The following ICA1 variants were observed in gnomAD, a reference collection of about 807,000 sequenced individuals.
ICA1 encodes the protein 69 kDa islet cell autoantigen.
Under a neutral mutation model 71.0 loss-of-function variants are expected in ICA1, and 40 were observed. That is an observed-to-expected ratio of 0.56 (90% CI 0.44 to 0.73). ICA1 has a LOEUF of 0.73. Ranked by LOEUF, ICA1 falls within the 30% of genes least tolerant of loss-of-function variation. The pLI, the probability that ICA1 is intolerant of heterozygous loss-of-function variation, is 0.00. For synonymous variants in ICA1, 207 were observed against 209.5 expected, an observed-to-expected ratio of 0.99 and a Z score of 0.10; for missense variants, 578 against 576.5, an observed-to-expected ratio of 1.00 and a Z score of -0.03.
rs60704635 is a variant in ICA1 at position 8,206,733 on chromosome 7, GAAAAA to G, written c.579+11567_579+11571del. ...GATCTTTCTCCCACAGGTTTAAAAT[GAAAAA>G]AAAAAAAAAAAAAAAAAGAAAGAGA... On this transcript the variant is annotated intron_variant, in intron 6 of 13. Coordinates refer to ENST00000402384, the MANE Select transcript of ICA1 (RefSeq NM_001136020.3). 7.2e-4 allele frequency among the ~76,000 whole-genome samples: 97 copies of G among 135,630 alleles called. 2 individuals carry two copies. The South Asian group carries it at 0.016, about 22-fold the overall frequency. 89.0% of individuals were successfully genotyped at this position (135,630 alleles called of 152,430 possible). A position where few individuals can be genotyped will look rare whatever the true frequency, so the allele number is the denominator to read the frequency against.
intron 6 of ICA1, among the ~76,000 whole-genome samples, chr7:8,201,084 T>C (rs1789487861): frequency 6.6e-6 from 1 of 152,202 alleles, no homozygotes; most frequent in Non-Finnish European, 1.5e-5. Flanking sequence ...TGGGGCAATA[T>C]TTTTGTAATA....
At chr7:8,251,565 T>G (rs1230135137) in intron 1 of ICA1, among the ~76,000 whole-genome samples, 1 of 151,480 alleles carries the variant, frequency 6.6e-6, no homozygotes, top group Non-Finnish European at 1.5e-5. Context: ...TTTCAATGAT[T>G]AAAAAATTGG....
chr7:8,116,309 T>A (rs953483290), intron 13 of ICA1: 5 of 152,202 alleles, frequency 3.3e-5, no homozygotes, highest in African/African-American at 1.2e-4. Flanking sequence ...GGGATTGACA[T>A]TGCTCTCTGA....
intron 6 of ICA1, among the ~76,000 whole-genome samples, chr7:8,191,010 A>C (rs1259559421): frequency 1.3e-5 from 2 of 152,206 alleles, no homozygotes; most frequent in African/African-American, 4.8e-5. Flanking sequence ...AATGGTCATC[A>C]GAGTTGTTTA....
intron 1 of ICA1, among the ~76,000 whole-genome samples, chr7:8,260,337 G>A (rs2128566252): frequency 6.6e-6 from 1 of 152,254 alleles, no homozygotes; most frequent in African/African-American, 2.4e-5. Context: ...CTGCGGTAAA[G>A]ATGCGTAGAG....
At chr7:8,235,510 G>T (rs899807414) in intron 2 of ICA1, among the ~76,000 whole-genome samples, 4 of 152,204 alleles carry the variant, frequency 2.6e-5, no homozygotes. Flanking sequence ...CGAGTCGTGT[G>T]TGGTTGTAGA....
chr7:8,202,869 C>T (rs891239218), intron 6 of ICA1, among the ~76,000 whole-genome samples: 1 of 8,624 alleles, frequency 1.2e-4, no homozygotes, highest in Admixed American at 1.3e-3. Context: ...ATAGACACAC[C>T]GCACGAATGG....
At chr7:8,218,810 A>C (rs947059515) in intron 5 of ICA1, 2 of 419,738 alleles carry the variant, frequency 4.8e-6, no homozygotes, top group Non-Finnish European at 4.5e-6. Flanking sequence ...GCTGGGGCCA[A>C]TCCCGTGTTC....
intron 6 of ICA1, among the ~76,000 whole-genome samples, chr7:8,190,046 ATAT>A (rs1241172793): frequency 6.6e-6 from 1 of 152,226 alleles, no homozygotes; most frequent in African/African-American, 2.4e-5. Flanking sequence ...GAACTGAGTA[ATAT>A]TATGCAGTAG....
intron 6 of ICA1, among the ~76,000 whole-genome samples, chr7:8,187,310 A>T (rs1784214080): frequency 6.6e-6 from 1 of 152,238 alleles, no homozygotes; most frequent in Admixed American, 6.5e-5. Context: ...TGAATACTGT[A>T]GGCAATTGTA....
intron 13 of ICA1, among the ~76,000 whole-genome samples, chr7:8,118,650 G>T (rs1246983782): frequency 6.6e-6 from 1 of 152,142 alleles, no homozygotes; most frequent in Non-Finnish European, 1.5e-5. Flanking sequence ...TTAAAGTTGT[G>T]GTTTCTGTGT....
chr7:8,243,348 C>T (rs941076791), intron 1 of ICA1, among the ~76,000 whole-genome samples: 1 of 152,148 alleles, frequency 6.6e-6, no homozygotes, highest in African/African-American at 2.4e-5. Context: ...CAGAAAAGGC[C>T]TTTGACAAAA....
chr7:8,179,639 A>T (rs887651595), intron 6 of ICA1, among the ~76,000 whole-genome samples: 1 of 152,202 alleles, frequency 6.6e-6, no homozygotes, highest in Non-Finnish European at 1.5e-5. Flanking sequence ...CATAATTATT[A>T]GAACTAAGAA....
intron 6 of ICA1, among the ~76,000 whole-genome samples, chr7:8,187,902 T>C (rs771547536): frequency 1.3e-5 from 2 of 152,226 alleles, no homozygotes; most frequent in Non-Finnish European, 2.9e-5. Context: ...AAAATGTCAT[T>C]ATATGGTACT....
At chr7:8,139,345 T>A (rs572215350) in intron 10 of ICA1, among the ~76,000 whole-genome samples, 1 of 152,376 alleles carries the variant, frequency 6.6e-6, no homozygotes, top group South Asian at 2.1e-4. Flanking sequence ...TATTACTTGA[T>A]GATGCTGATG....
At chr7:8,210,478 A>G (rs1432999883) in intron 6 of ICA1, among the ~76,000 whole-genome samples, 1 of 152,254 alleles carries the variant, frequency 6.6e-6, no homozygotes, top group Non-Finnish European at 1.5e-5. Flanking sequence ...ACGAAGTCGA[A>G]CTAAAAGCAG....
At position 8,138,918 on chromosome 7, in the gene ICA1, A is replaced by G. The variant is rs200504282; in HGVS notation, c.1019-37T>C. ...AGGAAAGAAAACAAAATTATAAGTC[A>G]GTTTCATTTTGTGAGGAGTTTGAGT... is the stretch of plus-strand genomic sequence containing the variant. On this transcript the variant is annotated intron_variant, in intron 11 of 13. Transcript: ENST00000402384. The G allele has an allele frequency of 2.6e-5, 41 of 1,595,170 alleles. No individual in the cohort carries two copies. In the African/African-American group the frequency reaches 5.0e-4, roughly 19 times the overall value.
intron 4 of ICA1, among the ~76,000 whole-genome samples, chr7:8,225,301 T>A (rs6951310): frequency 0.072 from 11,037 of 152,268 alleles, 1,080 homozygotes; most frequent in African/African-American, 0.22. Context: ...TCTCTTCATA[T>A]AGATTTAAGG....
intron 6 of ICA1, among the ~76,000 whole-genome samples, chr7:8,180,580 G>T (rs1781897454): frequency 1.3e-5 from 2 of 152,058 alleles, no homozygotes; most frequent in Admixed American, 6.6e-5. Flanking sequence ...TTCCCAAAGT[G>T]GTTCTACCAG....
Sources: gnomAD v4.1 joint callset for allele counts (sites outside exome capture counted in the v4.1 genomes callset) on GRCh38, gnomAD v4.1.1 for gene constraint, MANE v1.5 for transcripts, NCBI Gene and HGNC (gene_info 2026-07-23, HGNC 2026-07-21) for gene names.